DHX36: variants seen among roughly 807,000 people sequenced by gnomAD.
DHX36 encodes the protein DEAH-box helicase 36.
DHX36 carries 50 observed loss-of-function variants against 139.0 expected under a neutral mutation model. That is an observed-to-expected ratio of 0.36 (90% CI 0.29 to 0.46). The LOEUF (loss-of-function observed/expected upper bound fraction) is 0.46, where lower values mean the gene tolerates loss of function less well. Among genes scored for constraint, DHX36 ranks in the 20% least tolerant of loss-of-function variants. The pLI is 1.00. For missense variants in DHX36, 1,024 were observed against 1,211.3 expected (o/e 0.85, Z 2.29); for synonymous variants, 425 against 401.9 (o/e 1.06, Z -0.69).
intron 6 of DHX36, 65 bp from the exon 7 acceptor site, chr3:154,305,233 G>T: frequency 1.5e-6 from 2 of 1,340,856 alleles, no homozygotes; most frequent in South Asian, 1.3e-5. Context: ...CTACCACAAA[G>T]GTTTATATCT....
intron 8 of DHX36, among the ~76,000 whole-genome samples, chr3:154,303,847 CA>C (rs1234760472): frequency 6.6e-6 from 1 of 152,126 alleles, no homozygotes; most frequent in Non-Finnish European, 1.5e-5. Context: ...AAAACCTAAA[CA>C]AATAGATTGT....
At position 154,300,699 on chromosome 3, in the gene DHX36, A is replaced by G; in HGVS notation, c.1359-3T>C. The G allele has an allele frequency of 6.3e-7, 1 of 1,599,324 alleles. No individual in the cohort carries two copies. The highest frequency in any genetic ancestry group is 8.5e-7 in the Non-Finnish European group (1 of 1,171,444). ...CATCTACAGTACTTGCAGAATACCT[A>G]TCAAAGTTAAACACAAAGTCATGAA... On this transcript the variant is annotated splice_region_variant and splice_polypyrimidine_tract_variant and intron_variant, in intron 10 of 24. Transcript: ENST00000496811.
chr3:154,279,415 A>C (rs1229219476), intron 22 of DHX36: 1 of 152,214 alleles, frequency 6.6e-6, no homozygotes, highest in Admixed American at 6.5e-5. Context: ...GAGGAAAATA[A>C]AATGAATTTC....
intron 5 of DHX36, among the ~76,000 whole-genome samples, chr3:154,308,403 A>G (rs1355966508): frequency 6.6e-6 from 1 of 152,226 alleles, no homozygotes; most frequent in East Asian, 1.9e-4. Context: ...AACCAAAGAC[A>G]AACACAAATC....
Position 154,305,105 on chromosome 3 carries a change from G to A in DHX36, c.957C>T (p.Leu319=). ...TGAAACATACTCACGGGTCTGACTGGAGCCACTGAAGGATGATTCCTGTTG... is the reference window on the plus strand; with the variant it reads ...TGAAACATACTCACGGGTCTGACTGAAGCCACTGAAGGATGATTCCTGTTG... ...YCTTGIILQW[L]QSDPYLSSVS... is the part of the protein sequence containing the mutation. Residue 319 remains leucine, a synonymous_variant, in exon 7 of 25, where the codon CTC becomes CTT. Transcript: ENST00000496811. The A allele has an allele frequency of 6.2e-7, 1 of 1,613,508 alleles. No homozygotes were observed. Among genetic ancestry groups the A allele is most frequent in the Non-Finnish European group, 8.5e-7 (1 of 1,179,804 alleles).
rs563425854 is a variant in DHX36, at chr3:154,323,774, T to C, written c.243+400A>G. Among the ~76,000 whole-genome samples the C allele has an allele frequency of 6.4e-4, 98 of 152,268 alleles. 1 individual carries two copies. The South Asian group carries it at 0.019, about 29-fold the overall frequency. On this transcript the variant is annotated intron_variant, in intron 1 of 24. Coordinates refer to ENST00000496811, the MANE Select transcript of DHX36 (RefSeq NM_020865.3). ...GTTCCGCGCAAACCTATCTCAAATG[T>C]AGAAAGGTCGCTATGTGCTTCTTCA...
intron 22 of DHX36, chr3:154,278,771 C>T (rs1257240917): frequency 6.6e-6 from 1 of 152,024 alleles, no homozygotes; most frequent in Non-Finnish European, 1.5e-5. Context: ...TGAGCCACCA[C>T]ACCCGGCCAC....
chr3:154,289,567 C>CTA, intron 16 of DHX36, 142 bp downstream of exon 16: 1 of 619,030 alleles, frequency 1.6e-6, no homozygotes, highest in Non-Finnish European at 2.9e-6. Flanking sequence ...GAAGTTTAAA[C>CTA]ACACAATTTA....
At chr3:154,315,701 C>T (rs1159116853) in intron 2 of DHX36, among the ~76,000 whole-genome samples, 2 of 152,002 alleles carry the variant, frequency 1.3e-5, no homozygotes, top group African/African-American at 4.8e-5. Context: ...CTAAATGATA[C>T]AGTTCTTGTA....
chr3:154,322,095 C>G (rs1021244123), intron 1 of DHX36, among the ~76,000 whole-genome samples: 1 of 152,122 alleles, frequency 6.6e-6, no homozygotes, highest in Non-Finnish European at 1.5e-5. Context: ...AAGAAAGGTA[C>G]ATTTTGGACA....
At chr3:154,319,661 C>T (rs1253301459) in intron 1 of DHX36, among the ~76,000 whole-genome samples, 1 of 152,162 alleles carries the variant, frequency 6.6e-6, no homozygotes, top group Non-Finnish European at 1.5e-5. Context: ...CTAACCTCTC[C>T]AGTAGACATT....
chr3:154,289,180 G>A (rs1711687357), intron 16 of DHX36, among the ~76,000 whole-genome samples: 1 of 151,992 alleles, frequency 6.6e-6, no homozygotes, highest in Non-Finnish European at 1.5e-5. Flanking sequence ...TCTATTAATA[G>A]GAAAAGTAGC....
chr3:154,321,086 A>T (rs945749881), intron 1 of DHX36, among the ~76,000 whole-genome samples: 3 of 152,238 alleles, frequency 2.0e-5, no homozygotes, highest in Admixed American at 6.5e-5. Context: ...AAGAGAACAG[A>T]GAAGTTCAAA....
Position 154,305,151 on chromosome 3 carries a change from T to C in DHX36, c.911A>G (p.Gln304Arg), listed in dbSNP as rs899176569. Residue 304 changes from glutamine to arginine, a missense_variant, in exon 7 of 25, where the codon CAG becomes CGG. This residue lies in a region of DHX36 where 146 missense variants were observed against 215.0 expected (regional missense o/e 0.68). Transcript: ENST00000496811. ...IRLQSRLPRK[Q>R]GSILYCTTGI... is the part of the protein sequence containing the mutation. ...TGTTGTACAGTATAAGATAGAACCCTGTTTCCTTGGCAACCGACTGTGAAT... is the reference window on the plus strand; with the variant it reads ...TGTTGTACAGTATAAGATAGAACCCCGTTTCCTTGGCAACCGACTGTGAAT... 9 of 1,612,690 alleles carry C rather than the reference T, an allele frequency of 5.6e-6. No individual in the cohort carries two copies. The highest frequency in any genetic ancestry group is 7.6e-6 in the Non-Finnish European group (9 of 1,179,682).
intron 14 of DHX36, 140 bp from the exon 15 acceptor site, chr3:154,292,834 T>C: frequency 5.1e-6 from 7 of 1,366,460 alleles, no homozygotes; most frequent in Non-Finnish European, 6.7e-6. Flanking sequence ...TTACATCAAA[T>C]GATTTTAGCC....
chr3:154,303,934 G>A (rs750094582), intron 8 of DHX36, among the ~76,000 whole-genome samples: 4 of 152,134 alleles, frequency 2.6e-5, no homozygotes, highest in Admixed American at 1.3e-4. Context: ...CATAACAAGC[G>A]AAACAAGCAG....
Position 154,301,019 on chromosome 3 carries a change from A to T in DHX36, c.1326T>A (p.Arg442=). 1.2e-6 allele frequency: 2 copies of T among 1,613,332 alleles called. No individual in the cohort carries two copies. The highest frequency in any genetic ancestry group is 1.7e-6 in the Non-Finnish European group (2 of 1,179,874). ...KEEKEAIYKE[R]WPDYVRELRR... ...GCAGTTCCCTTACATAATCTGGCCA[A>T]CGTTCTTTATATATTGCTTCTTTTT... The change falls in exon 10 of 25, where the codon CGT becomes CGA. Residue 442 remains arginine (R), a synonymous_variant. Transcript: ENST00000496811.
At chr3:154,276,989 AG>A (rs1422820102) in intron 23 of DHX36, 90 bp from the exon 24 acceptor site, 10 of 1,098,628 alleles carry the variant, frequency 9.1e-6, no homozygotes, top group Non-Finnish European at 1.3e-5. Flanking sequence ...TTAATTAATG[AG>A]TATCTTCCTT....
chr3:154,295,236 C>T (rs1711993804), intron 13 of DHX36, 48 bp downstream of exon 13: 1 of 1,181,292 alleles, frequency 8.5e-7, no homozygotes, highest in Non-Finnish European at 1.2e-6. Flanking sequence ...GTCCTTAAAG[C>T]TTGCCTCAGT....
Sources: allele counts gnomAD v4.1 joint callset (sites outside exome capture counted in the v4.1 genomes callset), GRCh38; gene constraint gnomAD v4.1.1; regional missense constraint gnomAD v4.1.1; transcripts MANE v1.5; gene names NCBI Gene and HGNC (gene_info 2026-07-23, HGNC 2026-07-21).